Variants in ATP2B2 observed in about 807,000 individuals in gnomAD.
ATP2B2 encodes the protein ATPase plasma membrane Ca2+ transporting 2.
ATP2B2 carries 15 observed loss-of-function variants against 120.0 expected under a neutral mutation model. That is an observed-to-expected ratio of 0.12 (90% confidence interval 0.08 to 0.19). ATP2B2 has a LOEUF of 0.19. ATP2B2 is among the 10% of genes least tolerant of loss of function. ATP2B2 has a pLI of 1.00. For missense variants in ATP2B2, 1,045 were observed against 1,719.8 expected (o/e 0.61, Z 6.94); for synonymous variants, 694 against 700.3 (o/e 0.99, Z 0.14).
At chr3:10,378,440 C>T (rs761575980) in intron 9 of ATP2B2, 30 bp from the exon 10 acceptor site, 2 of 1,599,146 alleles carry the variant, frequency 1.3e-6, no homozygotes, top group East Asian at 2.2e-5. Flanking sequence ...CACGTGCATA[C>T]ACACAGACAC....
intron 2 of ATP2B2, among the ~76,000 whole-genome samples, chr3:10,606,156 T>C (rs1366178008): frequency 6.6e-6 from 1 of 152,060 alleles, no homozygotes; most frequent in African/African-American, 2.4e-5. Context: ...ACCTAAGGAC[T>C]CGGGTTGCTG....
Position 10,385,291 on chromosome 3 carries a change from C to A in ATP2B2, c.977G>T (p.Ser326Ile). The change falls in exon 8 of 23, where the codon AGT becomes ATT. Residue 326 changes from serine (S) to isoleucine (I), a missense_variant. This residue lies in a region of ATP2B2 where 145 missense variants were observed against 202.0 expected (regional missense o/e 0.72). Coordinates refer to ENST00000360273, the MANE Select transcript of ATP2B2 (RefSeq NM_001001331.4). ...DGAAASNAADSANASLVNGKM... is the reference protein window; with the variant it reads ...DGAAASNAADIANASLVNGKM... ...ACCATTGACTAGGCTGGCATTCGCA[C>A]TATCTGCAGCATTTGAAGCTGCCGC... The A allele has an allele frequency of 6.2e-7, 1 of 1,613,948 alleles. No homozygotes were observed. The highest frequency in any genetic ancestry group is 8.5e-7 in the Non-Finnish European group (1 of 1,179,996).
At chr3:10,657,581 G>A (rs920102417) in intron 1 of ATP2B2, among the ~76,000 whole-genome samples, 1 of 152,220 alleles carries the variant, frequency 6.6e-6, no homozygotes, top group African/African-American at 2.4e-5. Context: ...GGCTTGAGTA[G>A]GTAAACAAAG....
intron 2 of ATP2B2, among the ~76,000 whole-genome samples, chr3:10,614,226 G>T (rs541544106): frequency 6.6e-6 from 1 of 152,066 alleles, no homozygotes; most frequent in Non-Finnish European, 1.5e-5. Flanking sequence ...GTTCACTGCC[G>T]TATTCCTAGT....
intron 3 of ATP2B2, among the ~76,000 whole-genome samples, chr3:10,531,602 A>T (rs867816757): frequency 2.0e-5 from 3 of 152,176 alleles, no homozygotes; most frequent in Non-Finnish European, 2.9e-5. Flanking sequence ...GATTTTTGTG[A>T]CTATGAATTC....
At chr3:10,515,948 G>A (rs1233600101) in intron 3 of ATP2B2, among the ~76,000 whole-genome samples, 1 of 152,150 alleles carries the variant, frequency 6.6e-6, no homozygotes, top group Non-Finnish European at 1.5e-5. Flanking sequence ...GGCATGGTGT[G>A]GCAGCAGTCT....
chr3:10,492,653 C>G (rs958305438), intron 1 of ATP2B2, among the ~76,000 whole-genome samples: 1 of 152,168 alleles, frequency 6.6e-6, no homozygotes, highest in African/African-American at 2.4e-5. Context: ...GACTGCACCC[C>G]CTTTGCCCAT....
chr3:10,661,225 A>G (rs1456851601), intron 1 of ATP2B2, among the ~76,000 whole-genome samples: 1 of 152,014 alleles, frequency 6.6e-6, no homozygotes, highest in Non-Finnish European at 1.5e-5. Context: ...CCTATTCAAC[A>G]TAGTGTTGGA....
rs71055831 is a variant in ATP2B2 at position 10,683,760 on chromosome 3, G to GTATATATA, written c.-460+24147_-460+24154dup. On this transcript the variant is annotated intron_variant, in intron 1 of 21. Coordinates refer to the ATP2B2 transcript ENST00000646379. ...TATGTGTATATATATGTGTGTGTGT[G>GTATATATA]TATATATATATATATATATATATAT... Among the ~76,000 whole-genome samples the GTATATATA allele has an allele frequency of 1.6e-3, 84 of 53,856 alleles. 1 individual carries two copies. The highest frequency in any genetic ancestry group is 2.9e-3 in the East Asian group (3 of 1,040). 35.3% of individuals were successfully genotyped at this position (53,856 alleles called of 152,430 possible).
At chr3:10,472,481 G>A (rs905559805) in intron 1 of ATP2B2, among the ~76,000 whole-genome samples, 1 of 152,258 alleles carries the variant, frequency 6.6e-6, no homozygotes, top group Non-Finnish European at 1.5e-5. Context: ...AAATGGCATA[G>A]CTCCTGAGGC....
intron 2 of ATP2B2, among the ~76,000 whole-genome samples, chr3:10,557,541 T>C (rs1032118477): frequency 6.6e-6 from 1 of 152,088 alleles, no homozygotes; most frequent in Non-Finnish European, 1.5e-5. Flanking sequence ...ACCCAGGAGC[T>C]GGGGTTCCTA....
intron 1 of ATP2B2, among the ~76,000 whole-genome samples, chr3:10,670,210 C>G (rs909646555): frequency 6.6e-6 from 1 of 152,194 alleles, no homozygotes; most frequent in African/African-American, 2.4e-5. Flanking sequence ...CTGGGCTGAA[C>G]TAGCCTTCGC....
rs527836250 is a variant in ATP2B2 at position 10,691,196 on chromosome 3, G to A, written c.-460+16719C>T. Among the ~76,000 whole-genome samples the A allele has an allele frequency of 2.0e-5, 3 of 152,358 alleles. No homozygotes were observed. In the South Asian group the frequency reaches 6.2e-4, roughly 32 times the overall value. On this transcript the variant is annotated intron_variant, in intron 1 of 21. Transcript: ENST00000646379. ...CTAGAAGGTTCCTTAGTTTCTTGGA[G>A]CCTCAGGGGTCTTGTCTGCAATATG...
At chr3:10,429,087 A>G (rs1484313765) in intron 2 of ATP2B2, among the ~76,000 whole-genome samples, 5 of 151,670 alleles carry the variant, frequency 3.3e-5, no homozygotes, top group East Asian at 1.9e-4. Flanking sequence ...CTCCCACCCA[A>G]TCTCCACTCA....
chr3:10,449,211 A>G (rs1312012376), intron 2 of ATP2B2, 134 bp downstream of exon 2: 3 of 1,030,226 alleles, frequency 2.9e-6, no homozygotes, highest in Non-Finnish European at 4.3e-6. Context: ...AGAATGCACT[A>G]CAATGGCCAT....
chr3:10,570,137 C>G (rs956037399), intron 2 of ATP2B2: 5 of 152,250 alleles, frequency 3.3e-5, no homozygotes, highest in Admixed American at 3.3e-4. Flanking sequence ...ATTGAAGAAG[C>G]TGCAGATGCC....
At chr3:10,514,097 C>T (rs569761460) in intron 3 of ATP2B2, among the ~76,000 whole-genome samples, 5 of 152,176 alleles carry the variant, frequency 3.3e-5, no homozygotes, top group African/African-American at 2.4e-5. Flanking sequence ...CCTAATTTTA[C>T]AGGTGGTGAA....
chr3:10,394,107 ACCTTTTAGGCCTCTC>A (rs2124919546), intron 5 of ATP2B2, among the ~76,000 whole-genome samples: 1 of 151,950 alleles, frequency 6.6e-6, no homozygotes, highest in South Asian at 2.1e-4. Flanking sequence ...CTTGCGTGTG[ACCTTTTAGGCCTCTC>A]CCTGGATAGG....
chr3:10,559,449 G>T (rs1206568431), intron 2 of ATP2B2, among the ~76,000 whole-genome samples: 2 of 151,962 alleles, frequency 1.3e-5, no homozygotes, highest in African/African-American at 4.8e-5. Context: ...TAATTACCCT[G>T]ATCTGCTCAC....
Sources: gnomAD v4.1 joint callset for allele counts (sites outside exome capture counted in the v4.1 genomes callset) on GRCh38, gnomAD v4.1.1 for gene constraint, gnomAD v4.1.1 regional missense constraint, MANE v1.5 for transcripts, NCBI Gene and HGNC (gene_info 2026-07-23, HGNC 2026-07-21) for gene names.